The following RBFOX1 variants were observed in gnomAD, a reference collection of about 807,000 sequenced individuals.
The protein encoded by RBFOX1 is RNA binding protein fox-1 homolog 1.
A neutral mutation model predicts 57.7 loss-of-function variants in RBFOX1; 8 were observed. The ratio of observed to expected loss-of-function variants is 0.14; its 90% CI spans 0.08 to 0.25. The LOEUF (loss-of-function observed/expected upper bound fraction) is 0.25. RBFOX1 is among the 10% of genes least tolerant of loss of function. The pLI, the probability that RBFOX1 is intolerant of heterozygous loss-of-function variation, is 1.00. For missense variants in RBFOX1, 611 were observed against 548.5 expected, an observed-to-expected ratio of 1.11 and a Z score of -1.14; for synonymous variants, 326 against 222.4, an observed-to-expected ratio of 1.47 and a Z score of -4.15.
At chr16:5,790,634 T>C (rs11648210) in intron 3 of RBFOX1, among the ~76,000 whole-genome samples, 117,426 of 152,038 alleles carry the variant, frequency 0.77, 45,616 homozygotes, top group East Asian at 0.99. Flanking sequence ...ACATTTCTTA[T>C]CCTCCCTAAG....
chr16:6,904,413 C>A (rs2069246338), intron 3 of RBFOX1, among the ~76,000 whole-genome samples: 1 of 151,566 alleles, frequency 6.6e-6, no homozygotes, highest in African/African-American at 2.4e-5. Context: ...CCAGTCTGGC[C>A]AACATGGTGA....
intron 4 of RBFOX1, among the ~76,000 whole-genome samples, chr16:7,479,891 T>G (rs990913225): frequency 3.9e-5 from 6 of 152,238 alleles, no homozygotes; most frequent in Non-Finnish European, 1.5e-5. Context: ...AATGTGAGTT[T>G]TTATCGGAGA....
At chr16:6,074,440 G>T (rs527907213) in intron 1 of RBFOX1, among the ~76,000 whole-genome samples, 1 of 152,188 alleles carries the variant, frequency 6.6e-6, no homozygotes, top group Non-Finnish European at 1.5e-5. Flanking sequence ...AACCAATCAT[G>T]ATAAAATCTC....
intron 4 of RBFOX1, among the ~76,000 whole-genome samples, chr16:7,295,794 A>C (rs1276614929): frequency 6.6e-6 from 1 of 152,154 alleles, no homozygotes; most frequent in Non-Finnish European, 1.5e-5. Flanking sequence ...TTGAACGAGC[A>C]GGGCTGAGTC....
At chr16:6,763,243 A>G (rs1365161223) in intron 3 of RBFOX1, among the ~76,000 whole-genome samples, 1 of 152,234 alleles carries the variant, frequency 6.6e-6, no homozygotes, top group Non-Finnish European at 1.5e-5. Flanking sequence ...GAATGAATTA[A>G]TCAATAAATG....
At chr16:7,211,068 C>T (rs944874294) in intron 4 of RBFOX1, among the ~76,000 whole-genome samples, 3 of 139,454 alleles carry the variant, frequency 2.2e-5, no homozygotes, top group Non-Finnish European at 4.5e-5. Flanking sequence ...ATGTTGTATA[C>T]CTTAGATACA....
At chr16:6,640,131 C>A (rs373907828) in intron 2 of RBFOX1, among the ~76,000 whole-genome samples, 128 of 152,198 alleles carry the variant, frequency 8.4e-4, no homozygotes, top group African/African-American at 2.7e-3. Flanking sequence ...TGGTTTCTTT[C>A]TTAATGTATT....
intron 4 of RBFOX1, among the ~76,000 whole-genome samples, chr16:7,509,038 C>G (rs2074253866): frequency 6.6e-6 from 1 of 152,216 alleles, no homozygotes. Flanking sequence ...GAACAAAGTA[C>G]TTGCAGCTTT....
intron 2 of RBFOX1, chr16:6,483,405 C>A: frequency 1.3e-6 from 2 of 1,534,300 alleles, no homozygotes; most frequent in Non-Finnish European, 1.7e-6. Context: ...GAGTCATTTA[C>A]ATTGCTAGCA....
intron 3 of RBFOX1, among the ~76,000 whole-genome samples, chr16:5,656,462 A>G (rs142395443): frequency 1.1e-4 from 16 of 152,352 alleles, no homozygotes; most frequent in East Asian, 3.9e-4. Flanking sequence ...TGTGATTAAT[A>G]TACAAAAATC....
intron 2 of RBFOX1, among the ~76,000 whole-genome samples, chr16:6,546,511 G>T (rs2096897822): frequency 1.3e-5 from 2 of 152,158 alleles, no homozygotes; most frequent in African/African-American, 2.4e-5. Context: ...GGCATATTGT[G>T]ATTGGCAGCT....
intron 3 of RBFOX1, among the ~76,000 whole-genome samples, chr16:7,042,014 T>C (rs1465481086): frequency 2.0e-5 from 3 of 152,166 alleles, no homozygotes; most frequent in African/African-American, 7.2e-5. Context: ...TTAGTCTGAT[T>C]CCTTAACCTC....
chr16:6,000,245 C>T (rs1412406952), intron 4 of RBFOX1, among the ~76,000 whole-genome samples: 2 of 152,168 alleles, frequency 1.3e-5, no homozygotes, highest in African/African-American at 2.4e-5. Flanking sequence ...TCCTCTGAAG[C>T]TGGAAGTAGT....
At position 6,247,165 on chromosome 16, in the gene RBFOX1, A is replaced by T. The variant is rs945291825; in HGVS notation, c.-126-69830A>T. Among the ~76,000 whole-genome samples the T allele has an allele frequency of 2.0e-5, 3 of 152,322 alleles. No homozygotes were observed. The South Asian group carries it at 6.2e-4, about 32-fold the overall frequency. On this transcript the variant is annotated intron_variant, in intron 1 of 15. Transcript: ENST00000550418. ...TCAGAAATGATATAGCTACTATAAC[A>T]ATTAAATTCAGTATGTGAAATTGCA...
chr16:5,847,420 G>A (rs1046432023), intron 3 of RBFOX1, among the ~76,000 whole-genome samples: 1 of 152,164 alleles, frequency 6.6e-6, no homozygotes, highest in East Asian at 1.9e-4. Flanking sequence ...GGATTAAAAT[G>A]TGTGCACAGA....
At chr16:6,895,454 A>G (rs56370867) in intron 3 of RBFOX1, among the ~76,000 whole-genome samples, 1,522 of 73,826 alleles carry the variant, frequency 0.021, 14 homozygotes, top group African/African-American at 0.026. Context: ...GTGTGTATAT[A>G]TATATATATA....
At chr16:6,426,832 G>A (rs1215418248) in intron 2 of RBFOX1, among the ~76,000 whole-genome samples, 1 of 152,138 alleles carries the variant, frequency 6.6e-6, no homozygotes, top group African/African-American at 2.4e-5. Flanking sequence ...ATGTCTCCTG[G>A]GTTCTGCCCA....
rs1391681759 is a variant in RBFOX1 at position 7,155,756 on chromosome 16, CACACACACATATATATACAG to C, written c.27+103664_27+103683del. ...ATATATATACACACACACACACACA[CACACACACATATATATACAG>C]ACACATATATAATCATTCAGCTATT... On this transcript the variant is annotated intron_variant, in intron 4 of 15. Coordinates refer to ENST00000550418, the MANE Select transcript of RBFOX1 (RefSeq NM_018723.4). 1.5e-3 allele frequency among the ~76,000 whole-genome samples: 207 copies of C among 138,840 alleles called. 1 individual carries two copies. The highest frequency in any genetic ancestry group is 5.5e-3 in the African/African-American group (198 of 36,204). The allele number at this position is 138,840 out of a possible 152,430, so 91.1% of individuals were successfully genotyped here.
chr16:6,422,861 T>C (rs2093814780), intron 2 of RBFOX1, among the ~76,000 whole-genome samples: 1 of 152,152 alleles, frequency 6.6e-6, no homozygotes, highest in Non-Finnish European at 1.5e-5. Flanking sequence ...AGGACAGAGA[T>C]CCAAACCATG....
Sources: gnomAD v4.1 joint callset for allele counts (sites outside exome capture counted in the v4.1 genomes callset) on GRCh38, gnomAD v4.1.1 for gene constraint, MANE v1.5 for transcripts, NCBI Gene and HGNC (gene_info 2026-07-23, HGNC 2026-07-21) for gene names.